R3HDM2: variants seen among roughly 807,000 people sequenced by gnomAD.
The protein encoded by R3HDM2 is R3H domain containing 2, also known as R3H domain-containing protein 2.
In R3HDM2, 38 loss-of-function variants were observed where a neutral mutation model predicts 124.5. That is an observed-to-expected ratio of 0.31 (90% confidence interval 0.24 to 0.40). The LOEUF (loss-of-function observed/expected upper bound fraction) is 0.40. Among genes scored for constraint, R3HDM2 ranks in the 10% least tolerant of loss-of-function variants. R3HDM2 has a pLI of 1.00. For synonymous variants in R3HDM2, 391 were observed against 448.0 expected (o/e 0.87, Z 1.61); for missense variants, 869 against 1,236.9 (o/e 0.70, Z 4.46).
rs2049863876 is a variant in R3HDM2 at position 57,296,287 on chromosome 12, G to A, written c.701+124C>T. The A allele has an allele frequency of 5.3e-6, 6 of 1,141,564 alleles. No individual in the cohort carries two copies. In the South Asian group the frequency reaches 7.7e-5, roughly 15 times the overall value. The allele number at this position is 1,141,564 out of a possible 1,614,324, so 70.7% of individuals were successfully genotyped here. On this transcript the variant is annotated intron_variant, in intron 9 of 23. Transcript: ENST00000402412. The surrounding 1 kb of genome is among the most constrained non-coding windows in gnomAD (Gnocchi z 4.5). Reference sequence around the variant, plus strand: ...CCCATCTTGGCCTCCCAAAGTGCTGGGATTACAGGTGTGAGCCACCACGCC... The same window carrying A: ...CCCATCTTGGCCTCCCAAAGTGCTGAGATTACAGGTGTGAGCCACCACGCC...
chr12:57,268,000 C>T (rs540438445), intron 18 of R3HDM2, among the ~76,000 whole-genome samples: 1 of 152,326 alleles, frequency 6.6e-6, no homozygotes, highest in East Asian at 1.9e-4. Context: ...AAAATTTCTT[C>T]TCTTAATGAT....
intron 1 of R3HDM2, among the ~76,000 whole-genome samples, chr12:57,403,818 C>CAAA (rs397755139): frequency 7.1e-6 from 1 of 141,506 alleles, no homozygotes. Context: ...GACTCTGTCT[C>CAAA]AAAAAAAAAA....
chr12:57,398,977 T>C (rs1028209116), intron 1 of R3HDM2, among the ~76,000 whole-genome samples: 2 of 152,142 alleles, frequency 1.3e-5, no homozygotes, highest in Non-Finnish European at 2.9e-5. Flanking sequence ...TTAGGCTAAA[T>C]TGACCCAAGT....
intron 1 of R3HDM2, among the ~76,000 whole-genome samples, chr12:57,400,024 C>G (rs897045716): frequency 6.6e-6 from 1 of 152,102 alleles, no homozygotes. Context: ...TCCAGTGTGG[C>G]GATTCCTCAG....
chr12:57,379,608 G>A (rs1272144819), intron 2 of R3HDM2, among the ~76,000 whole-genome samples: 2 of 151,766 alleles, frequency 1.3e-5, no homozygotes, highest in Non-Finnish European at 1.5e-5. Flanking sequence ...TGAAAAAAAC[G>A]ATAAGCTCAA....
chr12:57,422,543 GA>G (rs1333586872), intron 1 of R3HDM2, among the ~76,000 whole-genome samples: 1 of 152,210 alleles, frequency 6.6e-6, no homozygotes, highest in Non-Finnish European at 1.5e-5. Context: ...GGAAAAGCCA[GA>G]AAGGCTGACA....
intron 1 of R3HDM2, among the ~76,000 whole-genome samples, chr12:57,401,200 G>A (rs946206738): frequency 3.3e-5 from 5 of 151,258 alleles, no homozygotes; most frequent in Admixed American, 2.0e-4. Context: ...AAAGAGTGTA[G>A]TTCATTTCCC....
intron 4 of R3HDM2, among the ~76,000 whole-genome samples, chr12:57,301,308 C>T (rs985203218): frequency 6.6e-6 from 1 of 152,134 alleles, no homozygotes; most frequent in African/African-American, 2.4e-5. Flanking sequence ...TAGGGTGACT[C>T]ATTAGAAATC....
intron 2 of R3HDM2, among the ~76,000 whole-genome samples, chr12:57,353,858 A>T (rs561213385): frequency 1.3e-5 from 2 of 151,894 alleles, no homozygotes; most frequent in Admixed American, 1.3e-4. Context: ...TGTTTTTTTT[A>T]TTTTTTTATT....
intron 1 of R3HDM2, among the ~76,000 whole-genome samples, chr12:57,398,514 A>G (rs2067774441): frequency 6.7e-6 from 1 of 149,606 alleles, no homozygotes; most frequent in African/African-American, 2.5e-5. Context: ...TTTGAGATGG[A>G]GTCTTACTCC....
At chr12:57,424,863 C>G (rs1429966304) in intron 1 of R3HDM2, among the ~76,000 whole-genome samples, 1 of 152,104 alleles carries the variant, frequency 6.6e-6, no homozygotes, top group Non-Finnish European at 1.5e-5. Flanking sequence ...ACCACCAAGC[C>G]AAGCCTATAC....
At chr12:57,404,064 A>ACTTTTTTT (rs2055557586) in intron 1 of R3HDM2, among the ~76,000 whole-genome samples, 1 of 77,016 alleles carries the variant, frequency 1.3e-5, no homozygotes, top group Admixed American at 2.1e-4. Flanking sequence ...TCCACTCCTA[A>ACTTTTTTT]TTTTTTTTTT....
At chr12:57,279,252 G>A (rs1040792466) in intron 14 of R3HDM2, among the ~76,000 whole-genome samples, 5 of 148,264 alleles carry the variant, frequency 3.4e-5, no homozygotes, top group South Asian at 2.2e-4. Flanking sequence ...GCGCGATCTC[G>A]GCTCGCCGCA....
chr12:57,337,165 T>C (rs1269078325), intron 2 of R3HDM2, among the ~76,000 whole-genome samples: 2 of 151,872 alleles, frequency 1.3e-5, no homozygotes, highest in Non-Finnish European at 2.9e-5. Flanking sequence ...TTGTTGTTGT[T>C]GTTTTGAGAC....
intron 2 of R3HDM2, among the ~76,000 whole-genome samples, chr12:57,328,482 C>T (rs543149781): frequency 6.6e-6 from 1 of 152,236 alleles, no homozygotes; most frequent in East Asian, 1.9e-4. Context: ...ATATGACTTG[C>T]TGAAGGCTCA....
intron 2 of R3HDM2, among the ~76,000 whole-genome samples, chr12:57,364,185 T>C (rs1252130406): frequency 1.5e-5 from 2 of 134,166 alleles, no homozygotes; most frequent in Non-Finnish European, 3.1e-5. Context: ...TATCACTCTG[T>C]CACCCAGGTT....
chr12:57,317,611 T>C (rs1388165262), intron 2 of R3HDM2, among the ~76,000 whole-genome samples: 1 of 139,846 alleles, frequency 7.2e-6, no homozygotes, highest in Non-Finnish European at 1.5e-5. Context: ...GAGTTTATTA[T>C]GTCAGAATCC....
At chr12:57,272,361 C>T (rs1426009268) in intron 14 of R3HDM2, 3 of 1,092,212 alleles carry the variant, frequency 2.7e-6, no homozygotes, top group Non-Finnish European at 4.1e-6. Context: ...AAAAGCACAA[C>T]ATGCTTACAA....
intron 1 of R3HDM2, among the ~76,000 whole-genome samples, chr12:57,410,024 T>C (rs2068869523): frequency 6.6e-6 from 1 of 152,176 alleles, no homozygotes; most frequent in East Asian, 1.9e-4. Context: ...AACCACACAT[T>C]CCATTTTTAT....
Sources: gnomAD v4.1 joint callset for allele counts (sites outside exome capture counted in the v4.1 genomes callset) on GRCh38, gnomAD v4.1.1 for gene constraint, Gnocchi (gnomAD v3.1) non-coding constraint, MANE v1.5 for transcripts, NCBI Gene and HGNC (gene_info 2026-07-23, HGNC 2026-07-21) for gene names.